Variants in ERBB4 observed in about 807,000 individuals in gnomAD.
ERBB4 encodes erb-b2 receptor tyrosine kinase 4, also known as receptor tyrosine-protein kinase erbB-4.
A neutral mutation model predicts 158.0 loss-of-function variants in ERBB4; 42 were observed. That is an observed-to-expected ratio of 0.27 (90% CI 0.21 to 0.34). The LOEUF (loss-of-function observed/expected upper bound fraction) is 0.34. Ranked by LOEUF, ERBB4 falls within the 10% of genes least tolerant of loss-of-function variation. ERBB4 has a pLI of 1.00. For synonymous variants in ERBB4, 583 were observed against 558.7 expected, an observed-to-expected ratio of 1.04 and a Z score of -0.61; for missense variants, 1,333 against 1,624.1, an observed-to-expected ratio of 0.82 and a Z score of 3.08.
chr2:211,453,518 A>T (rs1212354297), intron 20 of ERBB4, among the ~76,000 whole-genome samples: 1 of 152,212 alleles, frequency 6.6e-6, no homozygotes, highest in African/African-American at 2.4e-5. Flanking sequence ...AGAAAGGAAA[A>T]TGAAACAGCA....
Position 212,508,273 on chromosome 2 carries a change from T to C in ERBB4, c.82+30176A>G, listed in dbSNP as rs141553846. ...TTGCTTTATTGTGATACTCAGCTTA[T>C]TGTGGTGGTCTGAAACTGAATCTGC... On this transcript the variant is annotated intron_variant, in intron 1 of 27. Transcript: ENST00000342788. Among the ~76,000 whole-genome samples the C allele has an allele frequency of 4.3e-4, 65 of 152,334 alleles. No individual in the cohort carries two copies. The East Asian group carries it at 0.012, about 28-fold the overall frequency.
At chr2:212,181,496 T>C (rs1282821391) in intron 1 of ERBB4, among the ~76,000 whole-genome samples, 2 of 151,718 alleles carry the variant, frequency 1.3e-5, no homozygotes, top group Non-Finnish European at 3.0e-5. Context: ...GAAAATTTTA[T>C]TGACTCTGAA....
intron 3 of ERBB4, among the ~76,000 whole-genome samples, chr2:211,811,612 C>T (rs950211009): frequency 8.5e-5 from 13 of 152,140 alleles, no homozygotes; most frequent in African/African-American, 2.7e-4. Context: ...AGAGTGTTTT[C>T]CAACTTGGTT....
chr2:211,603,761 C>G (rs2068878375), intron 19 of ERBB4, among the ~76,000 whole-genome samples: 1 of 152,138 alleles, frequency 6.6e-6, no homozygotes, highest in South Asian at 2.1e-4. Context: ...CAATGAGAAT[C>G]GTTTTCCTAA....
intron 1 of ERBB4, among the ~76,000 whole-genome samples, chr2:212,281,467 A>C (rs1056704357): frequency 9.9e-5 from 15 of 151,926 alleles, no homozygotes; most frequent in African/African-American, 3.4e-4. Context: ...AGAACTGTTG[A>C]TTCCTCTGTG....
intron 20 of ERBB4, among the ~76,000 whole-genome samples, chr2:211,477,480 G>A (rs2064984522): frequency 6.6e-6 from 1 of 152,072 alleles, no homozygotes; most frequent in African/African-American, 2.4e-5. Flanking sequence ...TACAGTGTTT[G>A]GGGATGTTCA....
chr2:211,605,893 G>T (rs1363559696), intron 19 of ERBB4, among the ~76,000 whole-genome samples: 2 of 152,006 alleles, frequency 1.3e-5, no homozygotes, highest in East Asian at 3.9e-4. Context: ...TAGGTAGCAG[G>T]AGAATTTAGA....
At chr2:212,045,495 CA>C (rs2077239023) in intron 2 of ERBB4, among the ~76,000 whole-genome samples, 1 of 152,056 alleles carries the variant, frequency 6.6e-6, no homozygotes, top group East Asian at 1.9e-4. Context: ...AGAAAAGTAA[CA>C]TTTTGTTTTT....
chr2:212,480,884 T>C (rs1280363124), intron 1 of ERBB4, among the ~76,000 whole-genome samples: 1 of 152,236 alleles, frequency 6.6e-6, no homozygotes, highest in African/African-American at 2.4e-5. Flanking sequence ...CTGGAAGGAA[T>C]ATATGTTTGT....
intron 12 of ERBB4, among the ~76,000 whole-genome samples, chr2:211,697,183 G>T (rs984056429): frequency 1.3e-5 from 2 of 152,096 alleles, no homozygotes; most frequent in South Asian, 2.1e-4. Context: ...AATATAGCTA[G>T]GTTGAGAGAT....
intron 15 of ERBB4, chr2:211,658,080 A>T: frequency 3.1e-6 from 3 of 961,088 alleles, no homozygotes; most frequent in Non-Finnish European, 3.1e-6. Context: ...ATTGTCTCGA[A>T]TTCTTATAAC....
chr2:211,836,904 C>A (rs2105987051), intron 3 of ERBB4, among the ~76,000 whole-genome samples: 1 of 151,918 alleles, frequency 6.6e-6, no homozygotes, highest in African/African-American at 2.4e-5. Context: ...TACAAAGGCA[C>A]AATGGGAGCC....
intron 3 of ERBB4, among the ~76,000 whole-genome samples, chr2:211,885,246 T>C (rs1337210986): frequency 1.3e-5 from 2 of 152,156 alleles, no homozygotes; most frequent in Non-Finnish European, 2.9e-5. Context: ...AAACTCATGT[T>C]TTATAATAGA....
At position 212,307,820 on chromosome 2, in the gene ERBB4, T is replaced by C. The variant is rs544644166; in HGVS notation, c.83-182917A>G. 4.0e-5 allele frequency among the ~76,000 whole-genome samples: 6 copies of C among 151,002 alleles called. No homozygotes were observed. In the South Asian group the frequency reaches 1.2e-3, roughly 31 times the overall value. On this transcript the variant is annotated intron_variant, in intron 1 of 27. Coordinates refer to ENST00000342788, the MANE Select transcript of ERBB4 (RefSeq NM_005235.3). ...TATTTTCTTTTGAAAATTAAAATAT[T>C]TGATTTTCTTTGCCCCAGAACAGGC...
intron 1 of ERBB4, among the ~76,000 whole-genome samples, chr2:212,367,276 T>C (rs570966010): frequency 2.8e-4 from 42 of 152,194 alleles, no homozygotes; most frequent in African/African-American, 9.6e-4. Flanking sequence ...CGTGGTGTTT[T>C]AATGTGGCAG....
At chr2:211,602,626 T>G (rs937179344) in intron 19 of ERBB4, among the ~76,000 whole-genome samples, 1 of 152,152 alleles carries the variant, frequency 6.6e-6, no homozygotes, top group Non-Finnish European at 1.5e-5. Context: ...TAAAGTATCC[T>G]TACATAGTAC....
intron 2 of ERBB4, among the ~76,000 whole-genome samples, chr2:211,965,464 A>G (rs117289231): frequency 6.6e-6 from 1 of 152,302 alleles, no homozygotes; most frequent in East Asian, 1.9e-4. Flanking sequence ...ATTTGAATAA[A>G]TGCTCTAGTG....
At chr2:212,528,026 A>G (rs778883637) in intron 1 of ERBB4, among the ~76,000 whole-genome samples, 8 of 151,862 alleles carry the variant, frequency 5.3e-5, no homozygotes, top group Non-Finnish European at 1.0e-4. Flanking sequence ...CCTGATTCGA[A>G]GTTTTCTCAA....
intron 20 of ERBB4, among the ~76,000 whole-genome samples, chr2:211,457,502 T>C (rs2064412453): frequency 6.6e-6 from 1 of 152,304 alleles, no homozygotes; most frequent in Non-Finnish European, 1.5e-5. Context: ...CTGCCACTTA[T>C]CCTAGAGAGG....
Sources: allele counts gnomAD v4.1 joint callset (sites outside exome capture counted in the v4.1 genomes callset), GRCh38; gene constraint gnomAD v4.1.1; transcripts MANE v1.5; gene names NCBI Gene and HGNC (gene_info 2026-07-23, HGNC 2026-07-21).